The following MME variants were observed in gnomAD, a reference collection of about 807,000 sequenced individuals.
MME encodes the protein membrane metalloendopeptidase.
In MME, 98 loss-of-function variants were observed where a neutral mutation model predicts 113.2. The ratio of observed to expected loss-of-function variants is 0.87; its 90% CI spans 0.74 to 1.02. The LOEUF (loss-of-function observed/expected upper bound fraction) is 1.02, where lower values mean the gene tolerates loss of function less well. MME is among the 50% of genes least tolerant of loss of function. The pLI is 0.00. For missense variants in MME, 836 were observed against 896.0 expected (o/e 0.93, Z 0.86); for synonymous variants, 292 against 300.6 (o/e 0.97, Z 0.30).
chr3:155,158,762 T>G (rs1722495917), intron 16 of MME: 1 of 151,956 alleles, frequency 6.6e-6, no homozygotes, highest in East Asian at 1.9e-4. Flanking sequence ...GCAAATAGAG[T>G]TTAATTAAAA....
chr3:155,049,343 T>C (rs569314360), intron 1 of MME, among the ~76,000 whole-genome samples: 97 of 152,036 alleles, frequency 6.4e-4, no homozygotes, highest in African/African-American at 2.2e-3. Flanking sequence ...AACAAAGCCA[T>C]GTAAAGATCA....
chr3:155,173,667 A>T (rs893054055), intron 22 of MME, among the ~76,000 whole-genome samples: 7 of 151,982 alleles, frequency 4.6e-5, no homozygotes, highest in Non-Finnish European at 7.4e-5. Flanking sequence ...TATGCCTATT[A>T]TCTCTGTAAT....
At chr3:155,091,188 G>T (rs61762351) in intron 3 of MME, among the ~76,000 whole-genome samples, 3,034 of 152,314 alleles carry the variant, frequency 0.02, 47 homozygotes, top group Middle Eastern at 0.041. Flanking sequence ...GTGGCAATTT[G>T]CTTTGTGTGG....
At chr3:155,042,911 T>TAC (rs1713386595) in intron 1 of MME, among the ~76,000 whole-genome samples, 1 of 40,378 alleles carries the variant, frequency 2.5e-5, no homozygotes, top group Admixed American at 3.3e-4. Context: ...TATATATATA[T>TAC]ATATATATAT....
chr3:155,064,856 T>C lies in MME; in HGVS notation c.-10-19302T>C, dbSNP rs373255965. On this transcript the variant is annotated intron_variant, in intron 1 of 22. Coordinates refer to the MME transcript ENST00000492661. The stretch of plus-strand genomic sequence containing the variant: ...CTAGGGGAGAATCCTTCCTTGACTC[T>C]TCTAGCTTCTGGTGTTTGTCAACAA... Among the ~76,000 whole-genome samples the C allele has an allele frequency of 2.9e-4, 44 of 152,326 alleles. No homozygotes were observed. The South Asian group carries it at 8.7e-3, about 30-fold the overall frequency.
At chr3:155,091,847 G>A (rs1023526915) in intron 3 of MME, among the ~76,000 whole-genome samples, 16 of 152,212 alleles carry the variant, frequency 1.1e-4, no homozygotes, top group African/African-American at 3.9e-4. Context: ...TCGGGGGCCA[G>A]TGGTGGCTTG....
intron 3 of MME, 91 bp from the exon 4 acceptor site, chr3:155,114,903 A>G: frequency 7.6e-7 from 1 of 1,318,324 alleles, no homozygotes; most frequent in East Asian, 2.3e-5. Flanking sequence ...AAATTGATGC[A>G]ATCAAAAGGG....
In MME at chr3:155,041,911, G is replaced by A. The variant is rs183337920; in HGVS notation, c.-11+17587G>A. Reference sequence around the variant, plus strand: ...TTAGAGACAGAAAAGGAGATTGTCAGTAGCACGGTAATATCTCAAATCTGG... The same window carrying A: ...TTAGAGACAGAAAAGGAGATTGTCAATAGCACGGTAATATCTCAAATCTGG... On this transcript the variant is annotated intron_variant, in intron 1 of 22. Transcript: ENST00000492661. Among the ~76,000 whole-genome samples, 6 of 152,268 alleles carry A rather than the reference G, an allele frequency of 3.9e-5. No homozygotes were observed. In the East Asian group the frequency reaches 1.2e-3, roughly 29 times the overall value.
chr3:155,147,252 C>G (rs200334638), intron 15 of MME, 28 bp downstream of exon 15: 7 of 1,348,732 alleles, frequency 5.2e-6, no homozygotes, highest in Non-Finnish European at 7.5e-6. Flanking sequence ...AGACTCTGGA[C>G]TACTGATACT....
intron 3 of MME, among the ~76,000 whole-genome samples, chr3:155,100,330 T>C (rs1166590309): frequency 6.6e-6 from 1 of 151,964 alleles, no homozygotes; most frequent in Non-Finnish European, 1.5e-5. Flanking sequence ...ATCAGAGAAA[T>C]GCAAATCAAA....
At chr3:155,038,582 T>A (rs1713205046) in intron 1 of MME, among the ~76,000 whole-genome samples, 1 of 152,184 alleles carries the variant, frequency 6.6e-6, no homozygotes, top group Non-Finnish European at 1.5e-5. Flanking sequence ...AACTCACTCA[T>A]GATGTGGTTA....
At chr3:155,039,881 C>A (rs1713251544) in intron 1 of MME, among the ~76,000 whole-genome samples, 1 of 151,970 alleles carries the variant, frequency 6.6e-6, no homozygotes, top group Non-Finnish European at 1.5e-5. Context: ...GATGTGTGTA[C>A]ACATTTTGAA....
chr3:155,110,289 C>T (rs545497841), intron 3 of MME, among the ~76,000 whole-genome samples: 36 of 152,162 alleles, frequency 2.4e-4, no homozygotes, highest in Non-Finnish European at 5.0e-4. Context: ...GCCTTGGGGC[C>T]CCATAATTTA....
intron 3 of MME, among the ~76,000 whole-genome samples, chr3:155,105,444 C>T (rs897205436): frequency 6.6e-6 from 1 of 152,174 alleles, no homozygotes; most frequent in African/African-American, 2.4e-5. Context: ...TAGACCTAGG[C>T]TCAGCTTTAG....
At chr3:155,051,982 A>G (rs918465144) in intron 1 of MME, among the ~76,000 whole-genome samples, 5 of 152,244 alleles carry the variant, frequency 3.3e-5, no homozygotes, top group Non-Finnish European at 7.3e-5. Flanking sequence ...CCTGTTCCAA[A>G]TAAGATAAAT....
intron 3 of MME, among the ~76,000 whole-genome samples, chr3:155,106,655 G>GT (rs1717714144): frequency 1.3e-5 from 2 of 152,182 alleles, no homozygotes; most frequent in Non-Finnish European, 2.9e-5. Flanking sequence ...CTGAATTGTG[G>GT]TTGGGGGGAT....
Position 155,115,048 on chromosome 3 carries a change from T to C in MME, c.251T>C (p.Phe84Ser), listed in dbSNP as rs748073209. The change falls in exon 4 of 23, where the codon TTC becomes TCC. Residue 84 changes from phenylalanine to serine, a missense_variant. Phe to Ser is a radical substitution (Grantham distance 155). Coordinates refer to ENST00000360490, the MANE Select transcript of MME (RefSeq NM_007289.4). ...DATTEPCTDF[F>S]KYACGGWLKR... ...ACCACTGAGCCTTGTACAGACTTTT[T>C]CAAATATGCTTGCGGAGGCTGGTTG... The C allele has an allele frequency of 6.2e-7, 1 of 1,614,140 alleles. No homozygotes were observed. The highest frequency in any genetic ancestry group is 1.7e-5 in the Admixed American group (1 of 60,008).
At chr3:155,134,977 G>A (rs1720510605) in intron 8 of MME, among the ~76,000 whole-genome samples, 1 of 152,024 alleles carries the variant, frequency 6.6e-6, no homozygotes, top group South Asian at 2.1e-4. Context: ...ACTTTTTAAT[G>A]GGGCTATTTG....
intron 17 of MME, among the ~76,000 whole-genome samples, chr3:155,166,170 G>A (rs766176504): frequency 9.2e-5 from 14 of 151,974 alleles, no homozygotes; most frequent in Non-Finnish European, 1.6e-4. Context: ...TCAATTTTAG[G>A]CATTTAGATA....
Sources: gnomAD v4.1 joint callset for allele counts (sites outside exome capture counted in the v4.1 genomes callset) on GRCh38, gnomAD v4.1.1 for gene constraint, MANE v1.5 for transcripts, NCBI Gene and HGNC (gene_info 2026-07-23, HGNC 2026-07-21) for gene names.